ZNF100: variants seen among roughly 807,000 people sequenced by gnomAD.
The protein encoded by ZNF100 is zinc finger protein 100 (Y1).
In ZNF100, 12 loss-of-function variants were observed where a neutral mutation model predicts 15.8. The observed-to-expected ratio is 0.76, with a 90% confidence interval of 0.49 to 1.23. The LOEUF is 1.23. ZNF100 is among the 50% of genes most tolerant of loss of function. The pLI is 0.00. For missense variants in ZNF100, 670 were observed against 635.6 expected (o/e 1.05, Z -0.58); for synonymous variants, 226 against 214.8 (o/e 1.05, Z -0.45).
At chr19:21,754,236 C>A (rs1439283734) in intron 2 of ZNF100, among the ~76,000 whole-genome samples, 2 of 146,068 alleles carry the variant, frequency 1.4e-5, no homozygotes, top group Admixed American at 6.8e-5. Flanking sequence ...TCTACCACCT[C>A]AAAAAAAAAA....
rs534987374 is a variant in ZNF100 at position 21,725,529 on chromosome 19, G to A, written c.*1154C>T. Reference sequence around the variant, plus strand: ...ATTTTAATGTCTTTTTCATAGCAAAGTTTATAAATAATGCTCACCTAATAA... The same window carrying A: ...ATTTTAATGTCTTTTTCATAGCAAAATTTATAAATAATGCTCACCTAATAA... On this transcript the variant is annotated 3_prime_UTR_variant, in exon 5 of 5. Coordinates refer to ENST00000358296, the MANE Select transcript of ZNF100 (RefSeq NM_173531.4). The A allele has an allele frequency of 1.3e-5, 2 of 152,092 alleles. No homozygotes were observed. The highest frequency in any genetic ancestry group is 2.1e-4 in the South Asian group (1 of 4,826). 9.4% of individuals were successfully genotyped at this position (152,092 alleles called of 1,614,324 possible).
intron 4 of ZNF100, among the ~76,000 whole-genome samples, chr19:21,731,674 C>A (rs1220677759): frequency 6.6e-6 from 1 of 151,988 alleles, no homozygotes; most frequent in Non-Finnish European, 1.5e-5. Context: ...GGAATATCAT[C>A]CAGGATTTAA....
At position 21,745,048 on chromosome 19, in the gene ZNF100, T is replaced by C. The variant is rs774439610; in HGVS notation, c.116A>G (p.Asp39Gly). The change falls in exon 3 of 5, where the codon GAT becomes GGT. Residue 39 changes from aspartate (D) to glycine (G), a missense_variant. Physicochemically the swap from Asp to Gly is moderately conservative, Grantham distance 94. Transcript: ENST00000358296. ...CTCCAGAGAGAATTCTATGGCCACATCCCTAAACGTCAATGGCCCCTGAAA... is the reference window on the plus strand; with the variant it reads ...CTCCAGAGAGAATTCTATGGCCACACCCCTAAACGTCAATGGCCCCTGAAA... Reference protein sequence around the residue: ...YFEKGPLTFRDVAIEFSLEEW... With the variant: ...YFEKGPLTFRGVAIEFSLEEW... 2.0e-5 allele frequency: 32 copies of C among 1,612,602 alleles called. No individual in the cohort carries two copies. The South Asian group carries it at 3.3e-4, about 17-fold the overall frequency.
intron 1 of ZNF100, among the ~76,000 whole-genome samples, chr19:21,766,193 G>A (rs965501459): frequency 2.6e-5 from 4 of 152,132 alleles, no homozygotes; most frequent in African/African-American, 9.7e-5. Context: ...ATGTGAATTA[G>A]GAAGGAAAAG....
chr19:21,755,325 G>GA (rs56192921), intron 2 of ZNF100, among the ~76,000 whole-genome samples: 80 of 147,122 alleles, frequency 5.4e-4, no homozygotes, highest in African/African-American at 1.8e-3. Flanking sequence ...AAGAAAAAAA[G>GA]AAAAAAAAAA....
chr19:21,765,470 T>C (rs2036542446), intron 2 of ZNF100, among the ~76,000 whole-genome samples: 1 of 152,240 alleles, frequency 6.6e-6, no homozygotes, highest in Non-Finnish European at 1.5e-5. Flanking sequence ...TGTTGTTGTT[T>C]GTCTTTTGGA....
chr19:21,760,403 G>A (rs2036463036), intron 2 of ZNF100, among the ~76,000 whole-genome samples: 1 of 151,304 alleles, frequency 6.6e-6, no homozygotes, highest in African/African-American at 2.4e-5. Context: ...GCTGAGGCGG[G>A]AGAATCGCTT....
At chr19:21,739,057 G>A (rs1206179432) in intron 4 of ZNF100, among the ~76,000 whole-genome samples, 2 of 152,112 alleles carry the variant, frequency 1.3e-5, no homozygotes, top group African/African-American at 2.4e-5. Flanking sequence ...TGAGAAATTC[G>A]TCCCCATGAC....
At chr19:21,748,027 A>G (rs575258538) in intron 2 of ZNF100, among the ~76,000 whole-genome samples, 1 of 152,184 alleles carries the variant, frequency 6.6e-6, no homozygotes, top group African/African-American at 2.4e-5. Context: ...GGGGGCATAG[A>G]AAGAGTTTAA....
chr19:21,728,107 C>A, intron 4 of ZNF100, 118 bp from the exon 5 acceptor site: 37 of 907,492 alleles, frequency 4.1e-5, no homozygotes, highest in Non-Finnish European at 4.8e-5. Flanking sequence ...CAAAGGCCCT[C>A]ATTCCTTTAT....
chr19:21,742,493 T>TCAAAAAA (rs61060508), intron 4 of ZNF100, among the ~76,000 whole-genome samples: 287 of 149,134 alleles, frequency 1.9e-3, no homozygotes, highest in Non-Finnish European at 2.9e-3. Flanking sequence ...AAACGCCGTC[T>TCAAAAAA]CAAAAAACAA....
Position 21,722,834 on chromosome 19 carries a change from A to G in ZNF100, c.*3849T>C, listed in dbSNP as rs1255373818. On this transcript the variant is annotated 3_prime_UTR_variant, in exon 5 of 5. Coordinates refer to ENST00000358296, the MANE Select transcript of ZNF100 (RefSeq NM_173531.4). ...GTTACATAATAAAAAATAAATTTAA[A>G]ATTGTTCACTTACCATTAACTCTTA... The G allele has an allele frequency of 6.6e-6, 1 of 151,400 alleles. No homozygotes were observed. The highest frequency in any genetic ancestry group is 2.4e-5 in the African/African-American group (1 of 41,356). 9.4% of individuals were successfully genotyped at this position (151,400 alleles called of 1,614,324 possible).
At chr19:21,753,967 G>A (rs62110822) in intron 2 of ZNF100, among the ~76,000 whole-genome samples, 46,135 of 152,006 alleles carry the variant, frequency 0.3, 8,331 homozygotes, top group Admixed American at 0.45. Flanking sequence ...AAAAGGCAAG[G>A]AACAAATAAT....
intron 2 of ZNF100, among the ~76,000 whole-genome samples, chr19:21,748,328 AAAG>A (rs1319694980): frequency 6.6e-6 from 1 of 152,196 alleles, no homozygotes; most frequent in Non-Finnish European, 1.5e-5. Context: ...GGCCAGACCT[AAAG>A]AAGGCCTTCA....
chr19:21,735,947 T>C (rs35646356), intron 4 of ZNF100, among the ~76,000 whole-genome samples: 13,971 of 151,810 alleles, frequency 0.092, 862 homozygotes, highest in South Asian at 0.18. Flanking sequence ...CGCCACCACA[T>C]TCGGCTAGTA....
chr19:21,744,128 T>A lies in ZNF100; in HGVS notation c.224-13A>T. Reference sequence around the variant, plus strand: ...AGAGCAATACCTGCTTTATTAGAAATAAATAACATGAATCTTTCTCATATT... The same window carrying A: ...AGAGCAATACCTGCTTTATTAGAAAAAAATAACATGAATCTTTCTCATATT... On this transcript the variant is annotated splice_polypyrimidine_tract_variant and intron_variant, in intron 3 of 4. Coordinates refer to ENST00000358296, the MANE Select transcript of ZNF100 (RefSeq NM_173531.4). The A allele has an allele frequency of 6.3e-7, 1 of 1,583,286 alleles. No homozygotes were observed. Among genetic ancestry groups the A allele is most frequent in the Non-Finnish European group, 8.6e-7 (1 of 1,162,810 alleles).
At chr19:21,732,756 TAC>T (rs1444032645) in intron 4 of ZNF100, among the ~76,000 whole-genome samples, 4 of 151,986 alleles carry the variant, frequency 2.6e-5, no homozygotes, top group Non-Finnish European at 5.9e-5. Context: ...GAAAAAGTAA[TAC>T]AGAGGTAACT....
In ZNF100 at chr19:21,745,138, T is replaced by G. The variant is rs2036189377; in HGVS notation, c.97-71A>C. 1.9e-6 allele frequency: 3 copies of G among 1,540,922 alleles called. No individual in the cohort carries two copies. The African/African-American group carries it at 4.2e-5, about 22-fold the overall frequency. On this transcript the variant is annotated intron_variant, in intron 2 of 4. Coordinates refer to ENST00000358296, the MANE Select transcript of ZNF100 (RefSeq NM_173531.4). ...CATGGGCAGAATTTATTATTTGAATTAAAATGAAATGACAGAGCAAAGAGA... is the reference window on the plus strand; with the variant it reads ...CATGGGCAGAATTTATTATTTGAATGAAAATGAAATGACAGAGCAAAGAGA...
chr19:21,759,675 T>C (rs1004546123), intron 2 of ZNF100, among the ~76,000 whole-genome samples: 2 of 152,188 alleles, frequency 1.3e-5, no homozygotes, highest in African/African-American at 2.4e-5. Context: ...AAGATGGTGA[T>C]GAGAGTGTCC....
Sources: allele counts gnomAD v4.1 joint callset (sites outside exome capture counted in the v4.1 genomes callset), GRCh38; gene constraint gnomAD v4.1.1; transcripts MANE v1.5; gene names NCBI Gene and HGNC (gene_info 2026-07-23, HGNC 2026-07-21).